TRPM7: variants seen among roughly 807,000 people sequenced by gnomAD.
The protein encoded by TRPM7 is LTRPC ion channel family member 7.
TRPM7 carries 134 observed loss-of-function variants against 229.7 expected under a neutral mutation model. The ratio of observed to expected loss-of-function variants is 0.58; its 90% CI spans 0.51 to 0.67. The LOEUF (loss-of-function observed/expected upper bound fraction) is 0.67. Ranked by LOEUF, TRPM7 falls within the 30% of genes least tolerant of loss-of-function variation. The pLI is 0.00. For missense variants in TRPM7, 1,901 were observed against 2,210.0 expected, an observed-to-expected ratio of 0.86 and a Z score of 2.80; for synonymous variants, 699 against 715.2, an observed-to-expected ratio of 0.98 and a Z score of 0.36.
intron 36 of TRPM7, among the ~76,000 whole-genome samples, chr15:50,572,604 G>C: frequency 6.6e-6 from 1 of 152,148 alleles, no homozygotes. Context: ...CAGTAGTCTG[G>C]AACTGAGCCT....
chr15:50,620,155 T>C (rs1023226689), intron 12 of TRPM7, among the ~76,000 whole-genome samples: 20 of 152,202 alleles, frequency 1.3e-4, no homozygotes, highest in African/African-American at 4.8e-4. Flanking sequence ...AAAGTCATAT[T>C]GAGACTTTAA....
At chr15:50,684,141 C>A (rs1416980960) in intron 1 of TRPM7, among the ~76,000 whole-genome samples, 1 of 151,452 alleles carries the variant, frequency 6.6e-6, no homozygotes, top group Non-Finnish European at 1.5e-5. Context: ...TTACTGCGCC[C>A]CACCTGATTA....
chr15:50,566,463 C>T (rs1169919873), intron 38 of TRPM7, among the ~76,000 whole-genome samples: 1 of 151,968 alleles, frequency 6.6e-6, no homozygotes, highest in Middle Eastern at 3.2e-3. Context: ...TTTGGGAGGC[C>T]GAGTCGGGTA....
intron 1 of TRPM7, among the ~76,000 whole-genome samples, chr15:50,668,598 C>T (rs921493121): frequency 6.6e-6 from 1 of 152,178 alleles, no homozygotes; most frequent in Admixed American, 6.5e-5. Context: ...AACTCTGCCT[C>T]CGGGGTCCAA....
At chr15:50,632,201 G>T (rs926384092) in intron 9 of TRPM7, among the ~76,000 whole-genome samples, 3 of 152,000 alleles carry the variant, frequency 2.0e-5, no homozygotes, top group Non-Finnish European at 1.5e-5. Context: ...GCTGAGGTGG[G>T]AGAATCGCTT....
intron 1 of TRPM7, among the ~76,000 whole-genome samples, chr15:50,684,887 C>G (rs1209468261): frequency 1.3e-5 from 2 of 152,098 alleles, no homozygotes; most frequent in Non-Finnish European, 2.9e-5. Flanking sequence ...AATCAACTGA[C>G]TAAAACATGA....
intron 29 of TRPM7, among the ~76,000 whole-genome samples, chr15:50,581,192 C>T (rs2054390539): frequency 6.6e-6 from 1 of 152,058 alleles, no homozygotes; most frequent in African/African-American, 2.4e-5. Context: ...GAAGACAATT[C>T]TATTCTCTTA....
intron 1 of TRPM7, among the ~76,000 whole-genome samples, chr15:50,672,647 C>T (rs907972469): frequency 5.9e-5 from 9 of 151,938 alleles, no homozygotes; most frequent in East Asian, 5.8e-4. Context: ...CGGTGGCTCA[C>T]GCCTGTAACC....
chr15:50,682,173 C>CAAAAAAAAAAAA (rs34590459), intron 1 of TRPM7, among the ~76,000 whole-genome samples: 801 of 63,524 alleles, frequency 0.013, 72 homozygotes, highest in African/African-American at 0.048. Flanking sequence ...AACTCAGTCT[C>CAAAAAAAAAAAA]AAAAAAAAAA....
chr15:50,635,960 C>T (rs1363983000), intron 7 of TRPM7, among the ~76,000 whole-genome samples: 2 of 150,838 alleles, frequency 1.3e-5, no homozygotes, highest in African/African-American at 4.9e-5. Flanking sequence ...GCCAGGGCGA[C>T]AGTGCGAGAC....
chr15:50,645,653 T>C (rs2061241417), intron 4 of TRPM7, among the ~76,000 whole-genome samples: 1 of 152,198 alleles, frequency 6.6e-6, no homozygotes, highest in Non-Finnish European at 1.5e-5. Context: ...ATAATAAGTC[T>C]TTCTGTATCA....
rs757846311 is a variant in TRPM7, at chr15:50,580,913, A to T, written c.4558-5T>A. The T allele has an allele frequency of 6.3e-7, 1 of 1,576,698 alleles. No individual in the cohort carries two copies. The highest frequency in any genetic ancestry group is 8.6e-7 in the Non-Finnish European group (1 of 1,169,550). ...TGGTCTATCTTGTAACCAATCCTTC[A>T]GTAAAAAAAAAACACACACACACAA... On this transcript the variant is annotated splice_polypyrimidine_tract_variant and splice_region_variant and intron_variant, in intron 29 of 38. Coordinates refer to ENST00000646667, the MANE Select transcript of TRPM7 (RefSeq NM_017672.6).
At chr15:50,676,980 T>G (rs1373854858) in intron 1 of TRPM7, among the ~76,000 whole-genome samples, 1 of 152,152 alleles carries the variant, frequency 6.6e-6, no homozygotes, top group Non-Finnish European at 1.5e-5. Context: ...CTGCCCATTG[T>G]AGGAGAGACA....
rs117086599 is a variant in TRPM7, at chr15:50,659,311, G to A, written c.84-1492C>T. On this transcript the variant is annotated intron_variant, in intron 2 of 38. Coordinates refer to ENST00000646667, the MANE Select transcript of TRPM7 (RefSeq NM_017672.6). ...ATAATCATCTGCTTGGACATACAAA[G>A]ACTATATCTAACTTTCTGGAAGACA... 7.5e-3 allele frequency among the ~76,000 whole-genome samples: 1,135 copies of A among 152,152 alleles called. 9 individuals are homozygous for A. Among genetic ancestry groups the A allele is most frequent in the Admixed American group, 0.011 (165 of 15,258 alleles).
chr15:50,596,668 G>A (rs1404913905), intron 22 of TRPM7, among the ~76,000 whole-genome samples: 2 of 152,144 alleles, frequency 1.3e-5, no homozygotes, highest in Non-Finnish European at 2.9e-5. Flanking sequence ...TACCCTTCGA[G>A]GCAGGGTTTA....
Position 50,604,985 on chromosome 15 carries a change from C to T in TRPM7, c.2869G>A (p.Val957Ile), listed in dbSNP as rs1377216336. Residue 957 changes from valine to isoleucine, a missense_variant, in exon 21 of 39, where the codon GTT becomes ATT. By Grantham distance (29) the Val-to-Ile change is conservative. Around this residue, in one of 8 missense-constraint regions of TRPM7, gnomAD observed 207 missense variants for 241.5 expected, o/e 0.86. Transcript: ENST00000646667. ...WNFANAYDNH[V>I]FVAGRLIYCL... ...TAAATTAATCTTCCAGCCACAAAAACATGATTATCATATGCATTTGCAAAG... is the reference window on the plus strand; with the variant it reads ...TAAATTAATCTTCCAGCCACAAAAATATGATTATCATATGCATTTGCAAAG... 6.2e-7 allele frequency: 1 copy of T among 1,613,890 alleles called. No homozygotes were observed. Among genetic ancestry groups the T allele is most frequent in the Admixed American group, 1.7e-5 (1 of 60,008 alleles).
intron 38 of TRPM7, among the ~76,000 whole-genome samples, chr15:50,562,929 T>C (rs1329829970): frequency 2.0e-5 from 3 of 152,102 alleles, no homozygotes; most frequent in Non-Finnish European, 4.4e-5. Context: ...AAGTGAACTA[T>C]CAAAGCTCTA....
intron 31 of TRPM7, among the ~76,000 whole-genome samples, chr15:50,576,441 C>A (rs966042101): frequency 6.6e-6 from 1 of 152,090 alleles, no homozygotes; most frequent in Admixed American, 6.6e-5. Flanking sequence ...TAAAAAGAAA[C>A]CTACTGTCTT....
chr15:50,593,517 T>C (rs146360972), intron 25 of TRPM7, 100 bp downstream of exon 25: 3 of 1,280,404 alleles, frequency 2.3e-6, no homozygotes, highest in African/African-American at 1.5e-5. Context: ...ACTATGCTTA[T>C]TGTTTGACAA....
Sources: gnomAD v4.1 joint callset for allele counts (sites outside exome capture counted in the v4.1 genomes callset) on GRCh38, gnomAD v4.1.1 for gene constraint, gnomAD v4.1.1 regional missense constraint, MANE v1.5 for transcripts, NCBI Gene and HGNC (gene_info 2026-07-23, HGNC 2026-07-21) for gene names.